Variants in ZBTB38 observed in about 807,000 individuals in gnomAD.
ZBTB38 encodes zinc finger and BTB domain containing 38, also known as zinc finger and BTB domain-containing protein 38.
A neutral mutation model predicts 76.8 loss-of-function variants in ZBTB38; 20 were observed. That is an observed-to-expected ratio of 0.26 (90% confidence interval 0.18 to 0.38). The LOEUF is 0.38. ZBTB38 is among the 10% of genes least tolerant of loss of function. The pLI is 1.00. For synonymous variants in ZBTB38, 504 were observed against 544.2 expected, an observed-to-expected ratio of 0.93 and a Z score of 1.03; for missense variants, 1,082 against 1,482.3, an observed-to-expected ratio of 0.73 and a Z score of 4.43.
Position 141,443,569 on chromosome 3 carries a change from TGAG to T in ZBTB38, c.1183_1185del (p.Arg395del). Reference sequence around the variant, plus strand: ...TTGGATCGGCATGAACAGATCTGCATGAGGTCAAGCCACATGCCCATTCCTGGA... The same window carrying T: ...TTGGATCGGCATGAACAGATCTGCATGTCAAGCCACATGCCCATTCCTGGA... On this transcript the variant is annotated inframe_deletion, in exon 6 of 6. Coordinates refer to ENST00000321464, the MANE Select transcript of ZBTB38 (RefSeq NM_001376113.1). This position sits in a 1 kb window ranked among gnomAD's most constrained non-coding sequence, Gnocchi z 5.6. 6.2e-7 allele frequency: 1 copy of T among 1,614,212 alleles called. No individual in the cohort carries two copies. Among genetic ancestry groups the T allele is most frequent in the Non-Finnish European group, 8.5e-7 (1 of 1,180,036 alleles).
chr3:141,357,034 T>C (rs1943682693), intron 1 of ZBTB38, among the ~76,000 whole-genome samples: 1 of 152,196 alleles, frequency 6.6e-6, no homozygotes, highest in East Asian at 1.9e-4. Context: ...ATAGAACCAA[T>C]TTGTTTTCTC....
chr3:141,381,505 A>G lies in ZBTB38; in HGVS notation c.-172+18A>G, dbSNP rs1268453647. The stretch of plus-strand genomic sequence containing the variant: ...GCCAACAGGTATGTACTCCTTTCTC[A>G]TGTCCTACACAGATGCTAATGGATG... On this transcript the variant is annotated intron_variant, in intron 3 of 5. Transcript: ENST00000321464. 4 of 152,382 alleles carry G rather than the reference A, an allele frequency of 2.6e-5. No individual in the cohort carries two copies. The highest frequency in any genetic ancestry group is 7.2e-5 in the African/African-American group (3 of 41,582). 9.4% of individuals were successfully genotyped at this position (152,382 alleles called of 1,614,324 possible). A position where few individuals can be genotyped will look rare whatever the true frequency, so the allele number is the denominator to read the frequency against.
chr3:141,392,278 G>C (rs769917319), intron 4 of ZBTB38, among the ~76,000 whole-genome samples: 28 of 152,112 alleles, frequency 1.8e-4, no homozygotes, highest in Non-Finnish European at 3.4e-4. Context: ...GGGGCTCTCT[G>C]CCCATTAGTG....
chr3:141,408,787 G>T (rs1040889251), intron 5 of ZBTB38, among the ~76,000 whole-genome samples: 1 of 152,158 alleles, frequency 6.6e-6, no homozygotes, highest in Non-Finnish European at 1.5e-5. Context: ...ATTTTAAAAC[G>T]ATGTCAGCAT....
In ZBTB38 at chr3:141,446,822, G is replaced by A. The variant is rs1350170239; in HGVS notation, c.*846G>A. ...AACATAGGTCATGCCTTATCTATGG[G>A]GGAACACCCTCCCAGAATTTACCTG... On this transcript the variant is annotated 3_prime_UTR_variant, in exon 6 of 6. Coordinates refer to ENST00000321464, the MANE Select transcript of ZBTB38 (RefSeq NM_001376113.1). 6.6e-6 allele frequency: 1 copy of A among 152,592 alleles called. No homozygotes were observed. The highest frequency in any genetic ancestry group is 2.4e-5 in the African/African-American group (1 of 41,424). The allele number at this position is 152,592 out of a possible 1,614,324, so 9.5% of individuals were successfully genotyped here.
At chr3:141,365,470 T>C (rs75788768), upstream of ZBTB38, among the ~76,000 whole-genome samples, 2 of 152,208 alleles carry the variant, frequency 1.3e-5, no homozygotes, top group African/African-American at 4.8e-5. Flanking sequence ...CCTCTTCTTA[T>C]AAAGCCACAA....
At chr3:141,439,951 A>G (rs554127788) in intron 5 of ZBTB38, among the ~76,000 whole-genome samples, 1 of 152,356 alleles carries the variant, frequency 6.6e-6, no homozygotes, top group East Asian at 1.9e-4. Context: ...AAAGTATGCT[A>G]TTGATCTGTG....
chr3:141,400,846 T>G (rs1951704693), intron 4 of ZBTB38, among the ~76,000 whole-genome samples: 1 of 152,240 alleles, frequency 6.6e-6, no homozygotes, highest in South Asian at 2.1e-4. Context: ...CTAACTTGCC[T>G]AAAGTGGCCT....
intron 1 of ZBTB38, among the ~76,000 whole-genome samples, chr3:141,339,374 T>C (rs1943106938): frequency 6.6e-6 from 1 of 152,184 alleles, no homozygotes; most frequent in Non-Finnish European, 1.5e-5. Context: ...AAGAGTAGTA[T>C]GATCTTGTTT....
intron 1 of ZBTB38, among the ~76,000 whole-genome samples, chr3:141,337,292 C>T (rs1382194389): frequency 6.6e-6 from 1 of 152,212 alleles, no homozygotes; most frequent in Non-Finnish European, 1.5e-5. Context: ...CGTAGAAATG[C>T]CTCATCCTAC....
chr3:141,385,955 T>C (rs987073201), intron 3 of ZBTB38: 1 of 152,218 alleles, frequency 6.6e-6, no homozygotes, highest in African/African-American at 2.4e-5. Context: ...GTGTCAGCAC[T>C]GACCTCCTGA....
intron 5 of ZBTB38, among the ~76,000 whole-genome samples, chr3:141,418,023 T>A (rs1343877591): frequency 1.3e-5 from 2 of 151,848 alleles, no homozygotes; most frequent in African/African-American, 4.8e-5. Context: ...AAAAAATAAA[T>A]AAATAAAAAA....
chr3:141,355,202 G>A (rs1473601782), intron 1 of ZBTB38, among the ~76,000 whole-genome samples: 3 of 152,024 alleles, frequency 2.0e-5, no homozygotes, highest in Non-Finnish European at 2.9e-5. Context: ...TGGGTAACAG[G>A]TAAGAATGCT....
At chr3:141,431,239 CTT>C (rs1283161896) in intron 5 of ZBTB38, among the ~76,000 whole-genome samples, 1 of 150,170 alleles carries the variant, frequency 6.7e-6, no homozygotes, top group African/African-American at 2.5e-5. Context: ...AGGAGAATCG[CTT>C]GAACCCAGGA....
Position 141,448,544 on chromosome 3 carries a change from G to T in ZBTB38, c.*2568G>T, listed in dbSNP as rs2081268114. On this transcript the variant is annotated 3_prime_UTR_variant, in exon 6 of 6. Transcript: ENST00000321464. ...AGTGTAAACAGTGAACATACTGTAT[G>T]CTGTACAAGATATAATGTAACTTGC... The T allele has an allele frequency of 6.6e-6, 1 of 152,476 alleles. No individual in the cohort carries two copies. The highest frequency in any genetic ancestry group is 6.5e-5 in the Admixed American group (1 of 15,276). The allele number at this position is 152,476 out of a possible 1,614,324, so 9.4% of individuals were successfully genotyped here. A position where few individuals can be genotyped will look rare whatever the true frequency, so the allele number is the denominator to read the frequency against.
chr3:141,326,779 A>G (rs1331965745), intron 1 of ZBTB38, among the ~76,000 whole-genome samples: 1 of 152,310 alleles, frequency 6.6e-6, no homozygotes, highest in South Asian at 2.1e-4. Context: ...GATCCTCTGC[A>G]TCATTATTCT....
At position 141,447,632 on chromosome 3, in the gene ZBTB38, A is replaced by T. The variant is rs927584392; in HGVS notation, c.*1656A>T. 1.1e-4 allele frequency: 16 copies of T among 152,350 alleles called. No homozygotes were observed. The highest frequency in any genetic ancestry group is 3.4e-4 in the African/African-American group (14 of 41,454). The allele number at this position is 152,350 out of a possible 1,614,324, so 9.4% of individuals were successfully genotyped here. A position where few individuals can be genotyped will look rare whatever the true frequency, so the allele number is the denominator to read the frequency against. ...CAGTCATTCATGTTCATTGGATTTG[A>T]CAGATGGAAACCCAAGGTTATCGAA... On this transcript the variant is annotated 3_prime_UTR_variant, in exon 6 of 6. Transcript: ENST00000321464.
intron 5 of ZBTB38, among the ~76,000 whole-genome samples, chr3:141,421,164 G>A (rs1041777065): frequency 5.3e-5 from 8 of 152,094 alleles, no homozygotes; most frequent in African/African-American, 1.4e-4. Flanking sequence ...TATAGATGAG[G>A]AAACTGAGGC....
intron 5 of ZBTB38, among the ~76,000 whole-genome samples, chr3:141,437,086 G>T (rs1393239735): frequency 6.6e-6 from 1 of 152,174 alleles, no homozygotes; most frequent in East Asian, 1.9e-4. Flanking sequence ...AGCGGGCACT[G>T]TTAAGATTGG....
Sources: allele counts gnomAD v4.1 joint callset (sites outside exome capture counted in the v4.1 genomes callset), GRCh38; gene constraint gnomAD v4.1.1; non-coding constraint Gnocchi (gnomAD v3.1); transcripts MANE v1.5; gene names NCBI Gene and HGNC (gene_info 2026-07-23, HGNC 2026-07-21).